FAM81A: variants seen among roughly 807,000 people sequenced by gnomAD.
FAM81A encodes family with sequence similarity 81 member A.
FAM81A carries 19 observed loss-of-function variants against 46.7 expected under a neutral mutation model. The observed-to-expected ratio is 0.41, with a 90% CI of 0.28 to 0.60. The LOEUF (loss-of-function observed/expected upper bound fraction) is 0.60. Ranked by LOEUF, FAM81A falls within the 20% of genes least tolerant of loss-of-function variation. The pLI, the probability that FAM81A is intolerant of heterozygous loss-of-function variation, is 0.34. For synonymous variants in FAM81A, 183 were observed against 152.9 expected (o/e 1.20, Z -1.45); for missense variants, 377 against 453.5 (o/e 0.83, Z 1.53).
chr15:59,479,519 G>GAA lies in FAM81A; in HGVS notation c.295-12730_295-12729dup, dbSNP rs57107735. Among the ~76,000 whole-genome samples, 65 of 72,650 alleles carry GAA rather than the reference G, an allele frequency of 8.9e-4. No individual in the cohort carries two copies. In the East Asian group the frequency reaches 0.017, roughly 19 times the overall value. The allele number at this position is 72,650 out of a possible 152,430, so 47.7% of individuals were successfully genotyped here. On this transcript the variant is annotated intron_variant, in intron 3 of 8. Transcript: ENST00000288228. ...GAGTGAGACTCTGTCTCAAAAATAA[G>GAA]AAAAAAAAAAAAAAAAAAAAAAAGG...
At chr15:59,492,430 A>G (rs370096745) in intron 4 of FAM81A, 41 bp downstream of exon 4, 12 of 1,508,388 alleles carry the variant, frequency 8.0e-6, no homozygotes, top group Non-Finnish European at 8.2e-6. Flanking sequence ...ATCAAAAACC[A>G]TTTTCTATAA....
intron 2 of FAM81A, among the ~76,000 whole-genome samples, chr15:59,410,095 G>A (rs543963244): frequency 1.3e-5 from 2 of 152,176 alleles, no homozygotes; most frequent in East Asian, 3.9e-4. Flanking sequence ...GGTCAGGAGA[G>A]TGAGACCAAC....
chr15:59,474,412 A>G (rs777028883), intron 3 of FAM81A, among the ~76,000 whole-genome samples: 2 of 152,178 alleles, frequency 1.3e-5, no homozygotes, highest in Non-Finnish European at 2.9e-5. Flanking sequence ...GCATGCTTAC[A>G]TGGCAGAAGG....
chr15:59,451,920 C>G (rs920813539), intron 1 of FAM81A, among the ~76,000 whole-genome samples: 2 of 152,154 alleles, frequency 1.3e-5, no homozygotes, highest in African/African-American at 4.8e-5. Flanking sequence ...ATTCACTCAC[C>G]CAGCAAACAT....
intron 8 of FAM81A, among the ~76,000 whole-genome samples, chr15:59,518,365 C>A (rs11633141): frequency 6.9e-4 from 104 of 151,796 alleles, no homozygotes; most frequent in Non-Finnish European, 1.2e-3. Flanking sequence ...ACTCTGTTGC[C>A]TAGGCCGGGG....
chr15:59,491,674 A>G (rs1167056315), intron 3 of FAM81A, among the ~76,000 whole-genome samples: 1 of 152,106 alleles, frequency 6.6e-6, no homozygotes, highest in Non-Finnish European at 1.5e-5. Context: ...AAAATAGCCC[A>G]TGGCTCAAAC....
intron 1 of FAM81A, among the ~76,000 whole-genome samples, chr15:59,399,426 CAA>C (rs2081061027): frequency 6.6e-6 from 1 of 152,048 alleles, no homozygotes; most frequent in Admixed American, 6.6e-5. Context: ...GAAAAAAAGA[CAA>C]GAGAATGGAT....
intron 1 of FAM81A, among the ~76,000 whole-genome samples, chr15:59,441,765 G>A (rs1017529670): frequency 7.9e-5 from 12 of 152,290 alleles, no homozygotes; most frequent in African/African-American, 2.9e-4. Context: ...AGGCCCACTC[G>A]AACCTCATTT....
At chr15:59,405,761 G>T (rs1262081824) in intron 2 of FAM81A, among the ~76,000 whole-genome samples, 1 of 152,136 alleles carries the variant, frequency 6.6e-6, no homozygotes, top group Non-Finnish European at 1.5e-5. Context: ...TACTGGCCTT[G>T]GGCCCATCCC....
chr15:59,406,018 A>G (rs1358748960), intron 2 of FAM81A, among the ~76,000 whole-genome samples: 6 of 152,116 alleles, frequency 3.9e-5, no homozygotes, highest in Non-Finnish European at 7.4e-5. Context: ...TTATCCTTGC[A>G]ACTCGACCCA....
At chr15:59,412,591 G>T (rs1183541803) in intron 2 of FAM81A, among the ~76,000 whole-genome samples, 1 of 152,104 alleles carries the variant, frequency 6.6e-6, no homozygotes, top group African/African-American at 2.4e-5. Flanking sequence ...GCTTGGCGTG[G>T]TGGTATGCGT....
chr15:59,485,370 A>G (rs751456242), intron 3 of FAM81A, among the ~76,000 whole-genome samples: 1 of 152,186 alleles, frequency 6.6e-6, no homozygotes, highest in African/African-American at 2.4e-5. Flanking sequence ...GTGGGTACAG[A>G]GGTGCTTGTG....
chr15:59,456,828 A>G (rs1282570189), intron 1 of FAM81A, among the ~76,000 whole-genome samples: 2 of 152,152 alleles, frequency 1.3e-5, no homozygotes, highest in African/African-American at 2.4e-5. Context: ...GGCTCAAGCA[A>G]TCCTCCAACT....
chr15:59,517,539 C>T (rs985179572), intron 8 of FAM81A, among the ~76,000 whole-genome samples: 3 of 152,248 alleles, frequency 2.0e-5, no homozygotes, highest in African/African-American at 7.2e-5. Context: ...AGGAAGAAGA[C>T]GTTCCTGTAG....
intron 4 of FAM81A, among the ~76,000 whole-genome samples, chr15:59,496,498 A>C (rs1034012187): frequency 2.0e-5 from 3 of 152,154 alleles, no homozygotes; most frequent in African/African-American, 7.2e-5. Flanking sequence ...CCAGCTACTC[A>C]GGAGGCTGAA....
intron 2 of FAM81A, among the ~76,000 whole-genome samples, chr15:59,423,794 A>G (rs2081184795): frequency 6.6e-6 from 1 of 152,266 alleles, no homozygotes; most frequent in Admixed American, 6.5e-5. Flanking sequence ...CTCACGGGTC[A>G]GGATTTTTAA....
At chr15:59,509,377 A>C (rs947702181) in intron 6 of FAM81A, among the ~76,000 whole-genome samples, 3 of 152,164 alleles carry the variant, frequency 2.0e-5, no homozygotes, top group Non-Finnish European at 4.4e-5. Context: ...GTGTAGGCTG[A>C]ATAATGGTCC....
At chr15:59,437,779 A>AGTGCCACCACCAT (rs1272082960), upstream of FAM81A, among the ~76,000 whole-genome samples, 1 of 152,172 alleles carries the variant, frequency 6.6e-6, no homozygotes, top group Middle Eastern at 3.2e-3. Flanking sequence ...AGAGAATTGC[A>AGTGCCACCACCAT]GTGCCACCAC....
At chr15:59,429,211 G>A (rs1454949873) in intron 2 of FAM81A, among the ~76,000 whole-genome samples, 2 of 152,132 alleles carry the variant, frequency 1.3e-5, no homozygotes, top group Non-Finnish European at 2.9e-5. Flanking sequence ...TTTAGTGCCT[G>A]GAAAATTTTG....
Sources: allele counts gnomAD v4.1 joint callset (sites outside exome capture counted in the v4.1 genomes callset), GRCh38; gene constraint gnomAD v4.1.1; transcripts MANE v1.5; gene names NCBI Gene and HGNC (gene_info 2026-07-23, HGNC 2026-07-21).